CSMD1: variants seen among roughly 807,000 people sequenced by gnomAD.
CSMD1 encodes the protein CUB and sushi domain-containing protein 1.
Under a neutral mutation model 417.5 loss-of-function variants are expected in CSMD1, and 213 were observed. The observed-to-expected ratio is 0.51, with a 90% CI of 0.46 to 0.57. CSMD1 has a LOEUF of 0.57. Ranked by LOEUF, CSMD1 falls within the 20% of genes least tolerant of loss-of-function variation. The probability of loss-of-function intolerance (pLI) is 0.00; values close to 1 mark genes in which losing one functional copy is unlikely to be tolerated. For synonymous variants in CSMD1, 2,862 were observed against 1,736.8 expected, an observed-to-expected ratio of 1.65 and a Z score of -16.11; for missense variants, 6,923 against 4,529.7, an observed-to-expected ratio of 1.53 and a Z score of -15.17.
At chr8:4,026,057 A>G (rs1449880994) in intron 4 of CSMD1, among the ~76,000 whole-genome samples, 1 of 151,976 alleles carries the variant, frequency 6.6e-6, no homozygotes, top group Non-Finnish European at 1.5e-5. Flanking sequence ...ATAAATAAGT[A>G]TTAATAGAAC....
chr8:4,181,401 G>T (rs1004944847), intron 3 of CSMD1, among the ~76,000 whole-genome samples: 2 of 151,782 alleles, frequency 1.3e-5, no homozygotes, highest in Admixed American at 6.6e-5. Context: ...ATAAGGCAGG[G>T]TTCTCCAATC....
chr8:3,971,909 T>C (rs1383685169), intron 5 of CSMD1, among the ~76,000 whole-genome samples: 2 of 152,208 alleles, frequency 1.3e-5, no homozygotes, highest in Non-Finnish European at 2.9e-5. Flanking sequence ...TTTTTGTTCT[T>C]GTTTGTCTAT....
intron 3 of CSMD1, among the ~76,000 whole-genome samples, chr8:4,390,792 C>T (rs531078274): frequency 2.0e-5 from 3 of 152,204 alleles, no homozygotes; most frequent in South Asian, 4.1e-4. Flanking sequence ...CCACCTGCCT[C>T]AGCCTCCCAA....
intron 5 of CSMD1, among the ~76,000 whole-genome samples, chr8:3,989,132 G>C (rs868179588): frequency 2.0e-5 from 3 of 152,148 alleles, no homozygotes; most frequent in African/African-American, 7.2e-5. Context: ...TTGCTATGTG[G>C]GGCGGGCATT....
chr8:3,737,986 A>G (rs1453178840), intron 6 of CSMD1, among the ~76,000 whole-genome samples: 1 of 152,208 alleles, frequency 6.6e-6, no homozygotes, highest in Non-Finnish European at 1.5e-5. Flanking sequence ...TAAATTGCAG[A>G]AGAATGCAGT....
chr8:4,914,882 A>G lies in CSMD1; in HGVS notation c.85+79450T>C, dbSNP rs539560899. Among the ~76,000 whole-genome samples, 22 of 152,314 alleles carry G rather than the reference A, an allele frequency of 1.4e-4. No individual in the cohort carries two copies. The South Asian group carries it at 2.3e-3, about 16-fold the overall frequency. ...CACCTTCACCTCCTGAACTCACAAG[A>G]AAGACATGGGGTATTCCCAAGTCAC... On this transcript the variant is annotated intron_variant, in intron 1 of 69. Transcript: ENST00000635120.
chr8:4,496,522 T>C (rs1563232650), intron 2 of CSMD1, among the ~76,000 whole-genome samples: 1 of 152,200 alleles, frequency 6.6e-6, no homozygotes, highest in Non-Finnish European at 1.5e-5. Context: ...CCAGGGAGTA[T>C]GTTAACACGG....
intron 1 of CSMD1, among the ~76,000 whole-genome samples, chr8:4,923,736 C>T (rs1034212020): frequency 2.0e-5 from 3 of 152,162 alleles, no homozygotes; most frequent in Non-Finnish European, 4.4e-5. Context: ...CAGAAATTTA[C>T]CAAGGAACCT....
chr8:4,420,130 G>C, intron 2 of CSMD1, 65 bp from the exon 3 acceptor site: 2 of 1,157,568 alleles, frequency 1.7e-6, no homozygotes, highest in South Asian at 2.6e-5. Flanking sequence ...AAGCTTATTT[G>C]ATGAAGTCAC....
At chr8:3,127,085 C>G (rs1817549343) in intron 41 of CSMD1, among the ~76,000 whole-genome samples, 2 of 152,154 alleles carry the variant, frequency 1.3e-5, no homozygotes, top group African/African-American at 2.4e-5. Context: ...CATCCGTCAA[C>G]AATGAAGATT....
chr8:4,640,991 G>A (rs945226520), intron 1 of CSMD1, among the ~76,000 whole-genome samples: 10 of 151,132 alleles, frequency 6.6e-5, no homozygotes, highest in Non-Finnish European at 1.0e-4. Flanking sequence ...ATATGTATGT[G>A]TATATTTTTC....
chr8:3,718,007 C>G (rs1801940452), intron 6 of CSMD1, among the ~76,000 whole-genome samples: 1 of 152,256 alleles, frequency 6.6e-6, no homozygotes, highest in Middle Eastern at 3.4e-3. Flanking sequence ...ATAAGAATAT[C>G]TTAACTAAAG....
chr8:3,338,218 C>G (rs1251640662), intron 23 of CSMD1, among the ~76,000 whole-genome samples: 1 of 152,190 alleles, frequency 6.6e-6, no homozygotes, highest in Non-Finnish European at 1.5e-5. Context: ...GTATGCCTGT[C>G]TCATCTCCAT....
intron 2 of CSMD1, among the ~76,000 whole-genome samples, chr8:4,493,507 G>A (rs1334874604): frequency 1.3e-5 from 2 of 152,038 alleles, no homozygotes; most frequent in African/African-American, 2.4e-5. Context: ...AACACCCTGG[G>A]TAACATATTG....
chr8:4,651,426 T>C (rs1314555380), intron 1 of CSMD1, among the ~76,000 whole-genome samples: 1 of 152,184 alleles, frequency 6.6e-6, no homozygotes, highest in Non-Finnish European at 1.5e-5. Context: ...TGGCATCATT[T>C]CTAATTTTTT....
chr8:4,354,208 C>G (rs1801263713), intron 3 of CSMD1, among the ~76,000 whole-genome samples: 1 of 152,156 alleles, frequency 6.6e-6, no homozygotes, highest in Non-Finnish European at 1.5e-5. Flanking sequence ...TCAGAGATTA[C>G]CACCCTGAGC....
In CSMD1 at chr8:3,308,491, A is replaced by C. The variant is rs763074167; in HGVS notation, c.3644T>G (p.Val1215Gly). The change falls in exon 24 of 70, where the codon GTA becomes GGA. Residue 1215 changes from valine (V) to glycine (G), a missense_variant. Physicochemically the swap from Val to Gly is moderately radical, Grantham distance 109. Coordinates refer to ENST00000635120, the MANE Select transcript of CSMD1 (RefSeq NM_033225.6). The stretch of plus-strand genomic sequence containing the variant: ...AGGGATGCCCGGATCCTCACATTTT[A>C]CCAGATCAAAACCTGCAAGAGAGAA... ...FQLTYTSFDL[V>G]KCEDPGIPNY... 2 of 1,611,916 alleles carry C rather than the reference A, an allele frequency of 1.2e-6. No individual in the cohort carries two copies. Among genetic ancestry groups the C allele is most frequent in the South Asian group, 1.1e-5 (1 of 90,784 alleles).
chr8:4,561,142 C>A (rs1365899769), intron 2 of CSMD1, among the ~76,000 whole-genome samples: 1 of 152,154 alleles, frequency 6.6e-6, no homozygotes, highest in East Asian at 1.9e-4. Flanking sequence ...GAGGCCAAGG[C>A]AGGTGGATCA....
intron 8 of CSMD1, among the ~76,000 whole-genome samples, chr8:3,605,711 G>A (rs1410238819): frequency 6.6e-6 from 1 of 152,150 alleles, no homozygotes; most frequent in Non-Finnish European, 1.5e-5. Context: ...AAGAACAGAT[G>A]TTATTAGCAT....
Sources: gnomAD v4.1 joint callset for allele counts (sites outside exome capture counted in the v4.1 genomes callset) on GRCh38, gnomAD v4.1.1 for gene constraint, MANE v1.5 for transcripts, NCBI Gene and HGNC (gene_info 2026-07-23, HGNC 2026-07-21) for gene names.